Variants in ATP10A observed in about 807,000 individuals in gnomAD.
ATP10A encodes phospholipid-transporting ATPase VA.
In ATP10A, 111 loss-of-function variants were observed where a neutral mutation model predicts 147.8. That is an observed-to-expected ratio of 0.75 (90% CI 0.64 to 0.88). The LOEUF is 0.88. Ranked by LOEUF, ATP10A falls within the 40% of genes least tolerant of loss-of-function variation. ATP10A has a pLI of 0.00. For synonymous variants in ATP10A, 875 were observed against 841.6 expected, an observed-to-expected ratio of 1.04 and a Z score of -0.69; for missense variants, 1,927 against 1,959.0, an observed-to-expected ratio of 0.98 and a Z score of 0.31.
chr15:25,716,106 G>A (rs533972339), intron 9 of ATP10A, among the ~76,000 whole-genome samples: 17 of 152,274 alleles, frequency 1.1e-4, no homozygotes, highest in African/African-American at 3.1e-4. Flanking sequence ...ATCGATTCTC[G>A]ACCGCTTTTC....
In ATP10A at chr15:25,726,102, G is replaced by A; in HGVS notation, c.848-20C>T. On this transcript the variant is annotated intron_variant, in intron 4 of 20. Transcript: ENST00000555815. Reference sequence around the variant, plus strand: ...CATGTCCTGTCGGGGAGGACAAAGAGACATGGCAAGTCAGAGACTGGAGCT... The same window carrying A: ...CATGTCCTGTCGGGGAGGACAAAGAAACATGGCAAGTCAGAGACTGGAGCT... 1 of 1,610,794 alleles carries A rather than the reference G, an allele frequency of 6.2e-7. No homozygotes were observed. The highest frequency in any genetic ancestry group is 8.5e-7 in the Non-Finnish European group (1 of 1,177,722).
chr15:25,850,447 C>A (rs1893234033), intron 1 of ATP10A, among the ~76,000 whole-genome samples: 1 of 152,162 alleles, frequency 6.6e-6, no homozygotes, highest in African/African-American at 2.4e-5. Context: ...GAGGCCCCGG[C>A]TGTGTCTGGT....
chr15:25,854,934 C>T (rs1457412393), intron 1 of ATP10A, among the ~76,000 whole-genome samples: 1 of 152,086 alleles, frequency 6.6e-6, no homozygotes, highest in East Asian at 1.9e-4. Flanking sequence ...GTGATGCCTG[C>T]CTGTAATCCC....
chr15:25,749,227 T>C (rs1013378631), intron 2 of ATP10A, among the ~76,000 whole-genome samples: 17 of 152,152 alleles, frequency 1.1e-4, no homozygotes, highest in African/African-American at 3.6e-4. Context: ...AAGCACACTA[T>C]TTGTAATAAG....
At chr15:25,830,117 A>C (rs1892291004) in intron 1 of ATP10A, among the ~76,000 whole-genome samples, 1 of 152,076 alleles carries the variant, frequency 6.6e-6, no homozygotes, top group South Asian at 2.1e-4. Context: ...AGCCAGCAGG[A>C]GCTGTGAATG....
intron 2 of ATP10A, among the ~76,000 whole-genome samples, chr15:25,745,115 T>C (rs1887777585): frequency 6.6e-6 from 1 of 152,034 alleles, no homozygotes. Context: ...CACGACGTCA[T>C]GGTCTTGAAA....
chr15:25,721,582 GTGTC>G lies in ATP10A; in HGVS notation c.1363+71_1363+74del, dbSNP rs1346995176. 2.9e-5 allele frequency: 36 copies of G among 1,221,626 alleles called. No individual in the cohort carries two copies. In the African/African-American group the frequency reaches 4.7e-4, roughly 16 times the overall value. The allele number at this position is 1,221,626 out of a possible 1,614,324, so 75.7% of individuals were successfully genotyped here. A position where few individuals can be genotyped will look rare whatever the true frequency, so the allele number is the denominator to read the frequency against. ...TGTGTGTGTGTGTGTGTGTGTGTGT[GTGTC>G]TCCAAACAATTCTGGATAGGGCAGC... On this transcript the variant is annotated intron_variant, in intron 7 of 20. Coordinates refer to ENST00000555815, the MANE Select transcript of ATP10A (RefSeq NM_024490.4).
At chr15:25,744,720 A>C (rs139512712) in intron 2 of ATP10A, among the ~76,000 whole-genome samples, 20 of 152,336 alleles carry the variant, frequency 1.3e-4, no homozygotes, top group Admixed American at 5.9e-4. Flanking sequence ...AAACTAGCAA[A>C]CTACAAGAAA....
In ATP10A at chr15:25,721,902, A is replaced by T. The variant is rs1201041535; in HGVS notation, c.1118T>A (p.Ile373Asn). 6.8e-6 allele frequency: 11 copies of T among 1,610,750 alleles called. No individual in the cohort carries two copies. The highest frequency in any genetic ancestry group is 9.3e-6 in the Non-Finnish European group (11 of 1,177,154). Residue 373 changes from isoleucine to asparagine, a missense_variant, in exon 7 of 21, where the codon ATC becomes AAC. Ile to Asn is a moderately radical substitution (Grantham distance 149). Coordinates refer to ENST00000555815, the MANE Select transcript of ATP10A (RefSeq NM_024490.4). ...LTMIIVLQVL[I>N]PISLYVSIEI... ...AATGGAAACGTATAAGGAAATTGGG[A>T]TCAAAACCTGGAAGAGACAAGGCAC...
intron 15 of ATP10A, among the ~76,000 whole-genome samples, chr15:25,689,841 A>G (rs1007883708): frequency 1.3e-5 from 2 of 152,240 alleles, no homozygotes; most frequent in African/African-American, 4.8e-5. Context: ...GAGAGCAGGC[A>G]TGGCAGCTCC....
At chr15:25,724,610 C>T (rs1297434349) in intron 5 of ATP10A, among the ~76,000 whole-genome samples, 1 of 152,232 alleles carries the variant, frequency 6.6e-6, no homozygotes, top group Non-Finnish European at 1.5e-5. Context: ...TGGAACCTAA[C>T]TGCTAGTCCC....
At chr15:25,744,206 C>A (rs752843922) in intron 2 of ATP10A, among the ~76,000 whole-genome samples, 1 of 152,134 alleles carries the variant, frequency 6.6e-6, no homozygotes, top group Non-Finnish European at 1.5e-5. Context: ...GCAGCTGCTA[C>A]CCAGCTTAGA....
At chr15:25,793,677 G>A (rs746650337) in intron 1 of ATP10A, among the ~76,000 whole-genome samples, 4 of 152,234 alleles carry the variant, frequency 2.6e-5, no homozygotes, top group Non-Finnish European at 5.9e-5. Flanking sequence ...GCTTTCTAAA[G>A]TGATGGCAGA....
At chr15:25,850,596 G>T (rs1401915725) in intron 1 of ATP10A, among the ~76,000 whole-genome samples, 1 of 150,726 alleles carries the variant, frequency 6.6e-6, no homozygotes, top group African/African-American at 2.4e-5. Context: ...TGTGTAGAGC[G>T]TCCGGCGGCA....
intron 1 of ATP10A, among the ~76,000 whole-genome samples, chr15:25,822,964 C>A (rs1891950795): frequency 6.6e-6 from 1 of 151,622 alleles, no homozygotes; most frequent in African/African-American, 2.4e-5. Context: ...GTCATTTAAT[C>A]TAAATAACAA....
intron 1 of ATP10A, among the ~76,000 whole-genome samples, chr15:25,811,146 G>A (rs898562150): frequency 9.9e-5 from 15 of 152,152 alleles, no homozygotes; most frequent in African/African-American, 3.4e-4. Context: ...ACGATTCAGC[G>A]CGAGGTGGGA....
At chr15:25,705,523 G>C (rs1900942319) in intron 12 of ATP10A, among the ~76,000 whole-genome samples, 1 of 151,838 alleles carries the variant, frequency 6.6e-6, no homozygotes, top group Non-Finnish European at 1.5e-5. Context: ...AATATAAGTG[G>C]CTGGCTTCAC....
intron 1 of ATP10A, among the ~76,000 whole-genome samples, chr15:25,821,399 C>CAAA (rs199762961): frequency 8.4e-6 from 1 of 119,704 alleles, no homozygotes; most frequent in Non-Finnish European, 1.7e-5. Context: ...TCAAAAAAAA[C>CAAA]AAAAAAAAAA....
intron 1 of ATP10A, among the ~76,000 whole-genome samples, chr15:25,808,891 G>A (rs1260494995): frequency 6.6e-6 from 1 of 152,192 alleles, no homozygotes; most frequent in African/African-American, 2.4e-5. Context: ...TGGGGAAGGT[G>A]GACAGGCATT....
Sources: allele counts gnomAD v4.1 joint callset (sites outside exome capture counted in the v4.1 genomes callset), GRCh38; gene constraint gnomAD v4.1.1; transcripts MANE v1.5; gene names NCBI Gene and HGNC (gene_info 2026-07-23, HGNC 2026-07-21).